The following NTRK2 variants were observed in gnomAD, a reference collection of about 807,000 sequenced individuals.
NTRK2 encodes the protein neurotrophic receptor tyrosine kinase 2.
In NTRK2, 13 loss-of-function variants were observed where a neutral mutation model predicts 94.5. The ratio of observed to expected loss-of-function variants is 0.14; its 90% CI spans 0.09 to 0.22. The LOEUF (loss-of-function observed/expected upper bound fraction) is 0.22, where lower values mean the gene tolerates loss of function less well. NTRK2 is among the 10% of genes least tolerant of loss of function. NTRK2 has a pLI of 1.00. For missense variants in NTRK2, 639 were observed against 1,071.2 expected (o/e 0.60, Z 5.63); for synonymous variants, 372 against 407.4 (o/e 0.91, Z 1.05).
chr9:84,787,631 C>A (rs896070825), intron 12 of NTRK2, among the ~76,000 whole-genome samples: 1 of 152,114 alleles, frequency 6.6e-6, no homozygotes, highest in Non-Finnish European at 1.5e-5. Flanking sequence ...CAGGCAAAAC[C>A]CTCATTTTCA....
chr9:84,740,151 G>A (rs1027502848), intron 9 of NTRK2, among the ~76,000 whole-genome samples: 2 of 152,158 alleles, frequency 1.3e-5, no homozygotes, highest in Non-Finnish European at 2.9e-5. Flanking sequence ...AAATTCCCAT[G>A]GTGAGGGGGA....
intron 12 of NTRK2, among the ~76,000 whole-genome samples, chr9:84,785,494 A>T (rs1431591592): frequency 6.6e-6 from 1 of 152,204 alleles, no homozygotes; most frequent in Non-Finnish European, 1.5e-5. Flanking sequence ...CTTGCAGTCA[A>T]GTGGCTTCCG....
At chr9:84,709,131 T>C (rs1028883580) in intron 5 of NTRK2, among the ~76,000 whole-genome samples, 3 of 152,296 alleles carry the variant, frequency 2.0e-5, no homozygotes, top group Non-Finnish European at 4.4e-5. Flanking sequence ...GGGAGAAAAG[T>C]TTCTATGTTC....
chr9:84,952,450 G>T (rs2808706), intron 16 of NTRK2, among the ~76,000 whole-genome samples: 122,545 of 151,876 alleles, frequency 0.81, 49,610 homozygotes, highest in Non-Finnish European at 0.84. Flanking sequence ...TTTTAATTTT[G>T]TTATTTTTTT....
At chr9:84,834,257 T>C (rs1019723863) in intron 12 of NTRK2, among the ~76,000 whole-genome samples, 4 of 152,174 alleles carry the variant, frequency 2.6e-5, no homozygotes, top group Admixed American at 1.3e-4. Context: ...ATGCACAAAA[T>C]AAAAAATTAT....
chr9:84,783,378 T>A (rs569419577), intron 12 of NTRK2, among the ~76,000 whole-genome samples: 1 of 152,228 alleles, frequency 6.6e-6, no homozygotes, highest in African/African-American at 2.4e-5. Flanking sequence ...TTACTTGACT[T>A]GGCTCTGAAT....
At chr9:84,970,705 A>G (rs887085818) in intron 17 of NTRK2, among the ~76,000 whole-genome samples, 2 of 152,192 alleles carry the variant, frequency 1.3e-5, no homozygotes, top group African/African-American at 4.8e-5. Flanking sequence ...CCTTGCTGAA[A>G]TCAATATACT....
intron 10 of NTRK2, among the ~76,000 whole-genome samples, chr9:84,743,768 G>A (rs181545992): frequency 9.2e-5 from 14 of 152,280 alleles, no homozygotes; most frequent in Admixed American, 7.8e-4. Context: ...TTTTGCAGAC[G>A]TAGTTGGCTA....
At chr9:84,977,157 T>C (rs1340469193) in intron 17 of NTRK2, among the ~76,000 whole-genome samples, 1 of 152,266 alleles carries the variant, frequency 6.6e-6, no homozygotes, top group Non-Finnish European at 1.5e-5. Flanking sequence ...CCTTGTTTTA[T>C]GTACGTTTCT....
chr9:84,725,680 A>G (rs1588182864), intron 8 of NTRK2, among the ~76,000 whole-genome samples: 1 of 148,650 alleles, frequency 6.7e-6, no homozygotes, highest in Non-Finnish European at 1.5e-5. Flanking sequence ...ATATATGCAT[A>G]TGTATAATAT....
At chr9:84,858,160 C>T (rs540713868) in intron 12 of NTRK2, among the ~76,000 whole-genome samples, 2 of 152,212 alleles carry the variant, frequency 1.3e-5, no homozygotes, top group South Asian at 2.1e-4. Flanking sequence ...CCTTCCCCTT[C>T]CCCAATACCC....
At chr9:84,985,196 C>T (rs1235595547) in intron 17 of NTRK2, among the ~76,000 whole-genome samples, 1 of 152,246 alleles carries the variant, frequency 6.6e-6, no homozygotes, top group Non-Finnish European at 1.5e-5. Context: ...AAGCTCTTGA[C>T]ATGATTTTTG....
chr9:84,822,771 T>A lies in NTRK2; in HGVS notation c.1397-38269T>A, dbSNP rs191316060. Among the ~76,000 whole-genome samples the A allele has an allele frequency of 3.2e-3, 484 of 152,306 alleles. 3 individuals are homozygous for A. The highest frequency in any genetic ancestry group is 0.011 in the African/African-American group (443 of 41,568). ...GCCTTTATATTTCCACCACTCTCAC[T>A]CATTGGCTCTGGAGCTTGGCCTCTG... On this transcript the variant is annotated intron_variant, in intron 12 of 18. Transcript: ENST00000277120.
At chr9:84,741,862 T>A (rs200233872) in intron 9 of NTRK2, 30 bp from the exon 10 acceptor site, 2 of 1,605,884 alleles carry the variant, frequency 1.2e-6, no homozygotes, top group East Asian at 4.5e-5. Flanking sequence ...AATGCATACT[T>A]ACAAATCTTT....
At chr9:84,775,367 G>A (rs749515634) in intron 12 of NTRK2, among the ~76,000 whole-genome samples, 1 of 152,188 alleles carries the variant, frequency 6.6e-6, no homozygotes, top group Non-Finnish European at 1.5e-5. Context: ...TTTTTTCAGA[G>A]TCTGTCTTAT....
At chr9:84,849,171 T>A (rs55968210) in intron 12 of NTRK2, among the ~76,000 whole-genome samples, 13,357 of 152,240 alleles carry the variant, frequency 0.088, 730 homozygotes, top group East Asian at 0.18. Context: ...CTCCTCCTGC[T>A]GCACATACAA....
intron 2 of NTRK2, among the ~76,000 whole-genome samples, chr9:84,678,240 C>G (rs1162984605): frequency 2.0e-5 from 3 of 152,198 alleles, no homozygotes; most frequent in Non-Finnish European, 4.4e-5. Context: ...TGTCCCTTGG[C>G]CAGGATCTGG....
At chr9:84,746,641 C>T (rs562015498) in intron 11 of NTRK2, among the ~76,000 whole-genome samples, 22 of 152,184 alleles carry the variant, frequency 1.4e-4, no homozygotes, top group African/African-American at 4.1e-4. Context: ...TCGTCCTTCC[C>T]GAGCTCTCTG....
At chr9:84,682,774 T>C (rs1476628064) in intron 2 of NTRK2, among the ~76,000 whole-genome samples, 1 of 152,246 alleles carries the variant, frequency 6.6e-6, no homozygotes, top group East Asian at 1.9e-4. Flanking sequence ...GAGGGCATGC[T>C]ATACCCCCTC....
Sources: gnomAD v4.1 joint callset for allele counts (sites outside exome capture counted in the v4.1 genomes callset) on GRCh38, gnomAD v4.1.1 for gene constraint, MANE v1.5 for transcripts, NCBI Gene and HGNC (gene_info 2026-07-23, HGNC 2026-07-21) for gene names.